RECK: variants seen among roughly 807,000 people sequenced by gnomAD.
The protein encoded by RECK is reversion-inducing cysteine-rich protein with Kazal motifs.
In RECK, 69 loss-of-function variants were observed where a neutral mutation model predicts 115.1. The ratio of observed to expected loss-of-function variants is 0.60; its 90% CI spans 0.49 to 0.73. The LOEUF (loss-of-function observed/expected upper bound fraction) is 0.73. Ranked by LOEUF, RECK falls within the 30% of genes least tolerant of loss-of-function variation. The probability of loss-of-function intolerance (pLI) is 0.00; values close to 1 mark genes in which losing one functional copy is unlikely to be tolerated. For missense variants in RECK, 1,047 were observed against 1,203.7 expected, an observed-to-expected ratio of 0.87 and a Z score of 1.93; for synonymous variants, 414 against 419.7, an observed-to-expected ratio of 0.99 and a Z score of 0.17.
At chr9:36,114,737 C>T (rs569405234) in intron 16 of RECK, among the ~76,000 whole-genome samples, 2 of 151,978 alleles carry the variant, frequency 1.3e-5, no homozygotes, top group Admixed American at 6.6e-5. Context: ...CCCAGCTACT[C>T]GGGAGGCTGA....
rs530323199 is a variant in RECK, at chr9:36,080,970, G to A, written c.439+332G>A. 3.3e-5 allele frequency among the ~76,000 whole-genome samples: 5 copies of A among 152,330 alleles called. No individual in the cohort carries two copies. The South Asian group carries it at 6.2e-4, about 19-fold the overall frequency. ...GTCAGTGTGGGGCAGACACACATCT[G>A]TGGAGGACACGACCTGTACACAAAG... On this transcript the variant is annotated intron_variant, in intron 7 of 20. Transcript: ENST00000377966.
chr9:36,044,415 T>A (rs1405445794), intron 1 of RECK, among the ~76,000 whole-genome samples: 1 of 152,182 alleles, frequency 6.6e-6, no homozygotes, highest in Non-Finnish European at 1.5e-5. Context: ...GATCATATGA[T>A]CGGCAAACAG....
intron 1 of RECK, among the ~76,000 whole-genome samples, chr9:36,040,363 T>C (rs778976213): frequency 3.9e-5 from 6 of 152,076 alleles, no homozygotes; most frequent in Non-Finnish European, 7.4e-5. Context: ...ATCCGAAGGC[T>C]GAGAAGGTGG....
intron 13 of RECK, among the ~76,000 whole-genome samples, chr9:36,106,711 A>G (rs1021872052): frequency 6.6e-6 from 1 of 152,114 alleles, no homozygotes; most frequent in Non-Finnish European, 1.5e-5. Flanking sequence ...CTGTCCATTT[A>G]CCCTTACATT....
intron 1 of RECK, among the ~76,000 whole-genome samples, chr9:36,045,482 T>A (rs1411540478): frequency 1.3e-5 from 2 of 152,084 alleles, no homozygotes; most frequent in Non-Finnish European, 2.9e-5. Context: ...TAATACACAC[T>A]CAATGCACGT....
intron 12 of RECK, among the ~76,000 whole-genome samples, chr9:36,103,260 CTG>C (rs1823632592): frequency 6.6e-6 from 1 of 152,178 alleles, no homozygotes; most frequent in Admixed American, 6.5e-5. Context: ...CTTTGTTTTC[CTG>C]TGTTAGGTAG....
At chr9:36,041,706 T>G (rs1820871829) in intron 1 of RECK, among the ~76,000 whole-genome samples, 1 of 151,814 alleles carries the variant, frequency 6.6e-6, no homozygotes, top group South Asian at 2.1e-4. Flanking sequence ...TTAGAGACAG[T>G]CTTTATCTCA....
At chr9:36,047,826 A>G (rs1009437971) in intron 1 of RECK, among the ~76,000 whole-genome samples, 2 of 147,406 alleles carry the variant, frequency 1.4e-5, no homozygotes, top group African/African-American at 5.2e-5. Context: ...AAAAAAAAAA[A>G]GGCTAGCTAA....
chr9:36,103,661 G>C (rs1004426926), intron 12 of RECK, among the ~76,000 whole-genome samples: 1 of 152,194 alleles, frequency 6.6e-6, no homozygotes, highest in Non-Finnish European at 1.5e-5. Flanking sequence ...ATTTGTAGCT[G>C]GTAGATTTGT....
At position 36,112,551 on chromosome 9, in the gene RECK, G is replaced by A. The variant is rs180814871; in HGVS notation, c.2060+75G>A. ...AAGCATCTACCATATACCAGACAGT[G>A]AAAACAGAAAGGTAAATTAAGAAAT... On this transcript the variant is annotated intron_variant, in intron 16 of 20. Coordinates refer to ENST00000377966, the MANE Select transcript of RECK (RefSeq NM_021111.3). 5,018 of 1,450,922 alleles carry A rather than the reference G, an allele frequency of 3.5e-3. 23 individuals carry two copies. The highest frequency in any genetic ancestry group is 7.9e-3 in the South Asian group (666 of 84,828). 89.9% of individuals were successfully genotyped at this position (1,450,922 alleles called of 1,614,324 possible). A position where few individuals can be genotyped will look rare whatever the true frequency, so the allele number is the denominator to read the frequency against.
intron 20 of RECK, 42 bp downstream of exon 20, chr9:36,121,730 A>C (rs768842299): frequency 1.1e-5 from 18 of 1,602,802 alleles, no homozygotes; most frequent in Admixed American, 1.7e-5. Flanking sequence ...GTCACTTTCA[A>C]GTTTGGTGCA....
chr9:36,121,670 C>G lies in RECK; in HGVS notation c.2676C>G (p.His892Gln), dbSNP rs749072679. ...EIVILIIPVDHYPKALQIEAC... is the reference protein window; with the variant it reads ...EIVILIIPVDQYPKALQIEAC... The stretch of plus-strand genomic sequence containing the variant: ...TGATCCTGATCATTCCCGTCGATCA[C>G]TATCCAAAAGCTCTGCAGGTGAGTT... The change falls in exon 20 of 21, where the codon CAC (histidine) becomes CAG (glutamine). Residue 892 changes from histidine to glutamine, a missense_variant. His to Gln is a conservative substitution (Grantham distance 24). Transcript: ENST00000377966. 6.2e-7 allele frequency: 1 copy of G among 1,614,100 alleles called. No homozygotes were observed. Among genetic ancestry groups the G allele is most frequent in the South Asian group, 1.1e-5 (1 of 91,060 alleles).
At chr9:36,072,519 G>A (rs1345617589) in intron 6 of RECK, among the ~76,000 whole-genome samples, 3 of 152,152 alleles carry the variant, frequency 2.0e-5, no homozygotes, top group Admixed American at 6.6e-5. Context: ...AAAAGGAATC[G>A]TGTGATACTT....
intron 8 of RECK, among the ~76,000 whole-genome samples, chr9:36,084,522 CTG>C (rs1822865666): frequency 6.6e-6 from 1 of 151,960 alleles, no homozygotes; most frequent in Non-Finnish European, 1.5e-5. Flanking sequence ...TGTTGAAACC[CTG>C]TCTCTACTAA....
chr9:36,110,551 T>A (rs900314529), intron 15 of RECK, among the ~76,000 whole-genome samples: 1 of 152,248 alleles, frequency 6.6e-6, no homozygotes, highest in African/African-American at 2.4e-5. Context: ...GCTGCTCTTA[T>A]TATTCTTACA....
chr9:36,091,188 C>A lies in RECK; in HGVS notation c.930C>A (p.Ser310Arg). The change falls in exon 10 of 21, where the codon AGC becomes AGA. Residue 310 changes from serine (S) to arginine (R), a missense_variant. Transcript: ENST00000377966. Reference sequence around the variant, plus strand: ...GGGAACTCTGCACTAAACTTTACAGCATGAGCTGGGGCAATACACAGAGTT... The same window carrying A: ...GGGAACTCTGCACTAAACTTTACAGAATGAGCTGGGGCAATACACAGAGTT... The part of the protein sequence containing the change: ...TCRELCTKLY[S>R]MSWGNTQSWQ... 1 of 1,614,020 alleles carries A rather than the reference C, an allele frequency of 6.2e-7. No individual in the cohort carries two copies. The highest frequency in any genetic ancestry group is 8.5e-7 in the Non-Finnish European group (1 of 1,179,946).
chr9:36,077,442 T>C (rs994828863), intron 6 of RECK, among the ~76,000 whole-genome samples: 1 of 152,134 alleles, frequency 6.6e-6, no homozygotes, highest in African/African-American at 2.4e-5. Flanking sequence ...GAGTTACATA[T>C]AGTAAATTTA....
At chr9:36,082,207 A>T (rs959148211) in intron 7 of RECK, among the ~76,000 whole-genome samples, 7 of 110,970 alleles carry the variant, frequency 6.3e-5, no homozygotes, top group Non-Finnish European at 1.2e-4. Context: ...TTTTTGAGAC[A>T]AGATTTGGCT....
At position 36,100,314 on chromosome 9, in the gene RECK, G is replaced by C. The variant is rs1222425672; in HGVS notation, c.1086-17G>C. ...AATAATTGCCTCTTGATTCTTTCTGGCCTTTTTTCTCTTTAGGCCAACAGA... is the reference window on the plus strand; with the variant it reads ...AATAATTGCCTCTTGATTCTTTCTGCCCTTTTTTCTCTTTAGGCCAACAGA... On this transcript the variant is annotated splice_polypyrimidine_tract_variant and intron_variant, in intron 10 of 20. Transcript: ENST00000377966. The C allele has an allele frequency of 1.2e-6, 2 of 1,602,102 alleles. No homozygotes were observed. The highest frequency in any genetic ancestry group is 1.7e-5 in the Admixed American group (1 of 59,596).
Sources: allele counts gnomAD v4.1 joint callset (sites outside exome capture counted in the v4.1 genomes callset), GRCh38; gene constraint gnomAD v4.1.1; transcripts MANE v1.5; gene names NCBI Gene and HGNC (gene_info 2026-07-23, HGNC 2026-07-21).